The following FAR2 variants were observed in gnomAD, a reference collection of about 807,000 sequenced individuals.
FAR2 encodes the protein epididymis secretory protein Li 81.
Under a neutral mutation model 56.0 loss-of-function variants are expected in FAR2, and 19 were observed. The observed-to-expected ratio is 0.34, with a 90% CI of 0.24 to 0.50. The LOEUF is 0.50. Ranked by LOEUF, FAR2 falls within the 20% of genes least tolerant of loss-of-function variation. The pLI, the probability that FAR2 is intolerant of heterozygous loss-of-function variation, is 0.98. For missense variants in FAR2, 508 were observed against 642.2 expected (o/e 0.79, Z 2.26); for synonymous variants, 219 against 218.8 (o/e 1.00, Z -0.01).
chr12:29,262,855 CTGAA>C lies in FAR2; in HGVS notation c.-38-7554_-38-7551del, dbSNP rs767902832. On this transcript the variant is annotated intron_variant, in intron 1 of 11. Transcript: ENST00000536681. The stretch of plus-strand genomic sequence containing the variant: ...TCTCTAATCAAAAGTTATAGAGTGA[CTGAA>C]TGGGTGAAAAAACAAGACCTCATGA... 1.4e-4 allele frequency among the ~76,000 whole-genome samples: 21 copies of C among 152,194 alleles called. No homozygotes were observed. The East Asian group carries it at 3.5e-3, about 25-fold the overall frequency.
chr12:29,295,597 A>G (rs1368028900), intron 3 of FAR2, among the ~76,000 whole-genome samples: 1 of 87,952 alleles, frequency 1.1e-5, no homozygotes, highest in African/African-American at 5.9e-5. Flanking sequence ...TCCAAGAACA[A>G]TATGTTTTCC....
chr12:29,324,819 G>C (rs1211250855), intron 10 of FAR2, among the ~76,000 whole-genome samples: 1 of 152,124 alleles, frequency 6.6e-6, no homozygotes, highest in Admixed American at 6.6e-5. Flanking sequence ...GGATCATCAA[G>C]GCTAGGAAGA....
chr12:29,187,676 G>T (rs1950056655), intron 1 of FAR2, among the ~76,000 whole-genome samples: 3 of 152,122 alleles, frequency 2.0e-5, no homozygotes, highest in Non-Finnish European at 4.4e-5. Context: ...ATTTTTGTGG[G>T]TCTATTTTTC....
intron 1 of FAR2, among the ~76,000 whole-genome samples, chr12:29,178,457 A>C (rs1189402264): frequency 1.3e-5 from 2 of 152,144 alleles, no homozygotes; most frequent in Non-Finnish European, 2.9e-5. Context: ...TAGTTCAGGC[A>C]TGATGGTGCC....
chr12:29,330,060 T>C (rs1224462939), intron 10 of FAR2, among the ~76,000 whole-genome samples: 1 of 149,614 alleles, frequency 6.7e-6, no homozygotes, highest in Non-Finnish European at 1.5e-5. Context: ...TTATGACTTT[T>C]TTTTTTTTTT....
At chr12:29,201,529 C>T (rs547945824) in intron 1 of FAR2, among the ~76,000 whole-genome samples, 3 of 152,186 alleles carry the variant, frequency 2.0e-5, no homozygotes, top group East Asian at 1.9e-4. Context: ...GACTTGAGTC[C>T]GGGGCATAAA....
At chr12:29,175,155 G>T (rs561251166) in intron 1 of FAR2, among the ~76,000 whole-genome samples, 1 of 152,212 alleles carries the variant, frequency 6.6e-6, no homozygotes, top group Non-Finnish European at 1.5e-5. Context: ...AGAATAGCAA[G>T]TGAAAGGGAT....
chr12:29,283,705 G>A (rs758396014), intron 2 of FAR2, among the ~76,000 whole-genome samples: 17 of 151,910 alleles, frequency 1.1e-4, no homozygotes, highest in African/African-American at 1.9e-4. Flanking sequence ...GGTAAATTTC[G>A]CACACCAAAT....
intron 1 of FAR2, among the ~76,000 whole-genome samples, chr12:29,236,642 C>T (rs991809755): frequency 2.6e-5 from 4 of 152,076 alleles, no homozygotes; most frequent in Non-Finnish European, 5.9e-5. Flanking sequence ...GAGAACAGCA[C>T]GAGGGAAACT....
intron 1 of FAR2, among the ~76,000 whole-genome samples, chr12:29,194,815 A>T (rs1274335451): frequency 2.0e-5 from 3 of 152,166 alleles, no homozygotes; most frequent in African/African-American, 7.2e-5. Context: ...GAAAGAGAAG[A>T]TGGAAGGGTT....
intron 1 of FAR2, among the ~76,000 whole-genome samples, chr12:29,237,824 C>G (rs115993969): frequency 0.013 from 2,037 of 152,220 alleles, 41 homozygotes; most frequent in African/African-American, 0.046. Context: ...GTCAGTCACT[C>G]TGAATCTGAC....
intron 4 of FAR2, 126 bp from the exon 5 acceptor site, chr12:29,307,530 CAT>C: frequency 2.2e-6 from 2 of 902,912 alleles, no homozygotes; most frequent in Admixed American, 5.3e-5. Flanking sequence ...AACTTGGTAT[CAT>C]GTGACTGTTC....
rs534979963 is a variant in FAR2 at position 29,335,425 on chromosome 12, A to G, written c.*1631A>G. On this transcript the variant is annotated 3_prime_UTR_variant, in exon 12 of 12. Coordinates refer to ENST00000536681, the MANE Select transcript of FAR2 (RefSeq NM_001271783.2). ...GATGTCTATATGGTACTTTTGAGTT[A>G]TATCAATTAAGATACAAGCTATAGA... is the stretch of plus-strand genomic sequence containing the variant. 3 of 152,300 alleles carry G rather than the reference A, an allele frequency of 2.0e-5. No homozygotes were observed. In the East Asian group the frequency reaches 5.8e-4, roughly 29 times the overall value. The allele number at this position is 152,300 out of a possible 1,614,324, so 9.4% of individuals were successfully genotyped here.
At chr12:29,194,664 A>T (rs1463759804) in intron 1 of FAR2, among the ~76,000 whole-genome samples, 2 of 152,122 alleles carry the variant, frequency 1.3e-5, no homozygotes, top group Non-Finnish European at 2.9e-5. Context: ...CTGGGATAAA[A>T]TTAAAGGAGA....
chr12:29,332,516 G>A (rs10743656), intron 10 of FAR2, 84 bp from the exon 11 acceptor site: 902,964 of 1,573,826 alleles, frequency 0.57, 263,397 homozygotes, highest in African/African-American at 0.83. Context: ...AAGGTCACTC[G>A]TCTATGTAGA....
rs73063608 is a variant in FAR2 at position 29,270,591 on chromosome 12, G to T, written c.142G>T (p.Ala48Ser). The T allele has an allele frequency of 3.4e-3, 5,506 of 1,614,028 alleles. 49 individuals are homozygous for T. The highest frequency in any genetic ancestry group is 0.022 in the African/African-American group (1,631 of 75,052). ...KVIYILVRPK[A>S]GQTLQQRVFQ... ...CATTTACATCCTTGTGAGGCCCAAG[G>T]CTGGCCAGACACTGCAGCAGAGGGT... The change falls in exon 2 of 12, where the codon GCT (alanine) becomes TCT (serine). Residue 48 changes from alanine to serine, a missense_variant. Ala to Ser is a moderately conservative substitution (Grantham distance 99). Coordinates refer to ENST00000536681, the MANE Select transcript of FAR2 (RefSeq NM_001271783.2).
intron 10 of FAR2, among the ~76,000 whole-genome samples, chr12:29,324,714 C>T (rs1019796974): frequency 1.6e-4 from 25 of 152,080 alleles, no homozygotes; most frequent in African/African-American, 5.6e-4. Context: ...GATTTTGTCA[C>T]CACCAGGCCT....
intron 1 of FAR2, among the ~76,000 whole-genome samples, chr12:29,157,716 G>A (rs1206798512): frequency 4.6e-5 from 7 of 152,124 alleles, no homozygotes; most frequent in Non-Finnish European, 8.8e-5. Flanking sequence ...TCATTGTGAG[G>A]GCACATTCCA....
intron 1 of FAR2, among the ~76,000 whole-genome samples, chr12:29,262,591 C>T (rs1433966568): frequency 6.6e-6 from 1 of 152,138 alleles, no homozygotes; most frequent in African/African-American, 2.4e-5. Context: ...GATTGTGCCA[C>T]TGCACACCAG....
Sources: gnomAD v4.1 joint callset for allele counts (sites outside exome capture counted in the v4.1 genomes callset) on GRCh38, gnomAD v4.1.1 for gene constraint, MANE v1.5 for transcripts, NCBI Gene and HGNC (gene_info 2026-07-23, HGNC 2026-07-21) for gene names.